The following BTBD7 variants were observed in gnomAD, a reference collection of about 807,000 sequenced individuals.
BTBD7 encodes BTB/POZ domain-containing protein 7.
A neutral mutation model predicts 99.9 loss-of-function variants in BTBD7; 38 were observed. The observed-to-expected ratio is 0.38, with a 90% CI of 0.29 to 0.50. The LOEUF is 0.50. Among genes scored for constraint, BTBD7 ranks in the 20% least tolerant of loss-of-function variants. The probability of loss-of-function intolerance (pLI) is 0.93; values close to 1 mark genes in which losing one functional copy is unlikely to be tolerated. For missense variants in BTBD7, 1,170 were observed against 1,394.6 expected (o/e 0.84, Z 2.57); for synonymous variants, 520 against 511.4 (o/e 1.02, Z -0.23).
At chr14:93,284,113 C>T (rs2052751938) in intron 3 of BTBD7, among the ~76,000 whole-genome samples, 1 of 152,090 alleles carries the variant, frequency 6.6e-6, no homozygotes. Flanking sequence ...GTTCTTTGAT[C>T]TAAATTATAA....
intron 3 of BTBD7, among the ~76,000 whole-genome samples, chr14:93,282,627 G>A (rs951248775): frequency 1.6e-4 from 24 of 152,058 alleles, no homozygotes; most frequent in African/African-American, 4.8e-5. Context: ...CACCGCACCC[G>A]GCCTATGCTT....
intron 1 of BTBD7, among the ~76,000 whole-genome samples, chr14:93,324,789 T>C (rs1291795834): frequency 6.6e-6 from 1 of 152,232 alleles, no homozygotes; most frequent in Non-Finnish European, 1.5e-5. Context: ...TGGTTTGAAC[T>C]AATGGAACTC....
Position 93,242,807 on chromosome 14 carries a change from A to G in BTBD7, c.2865T>C (p.Pro955=), listed in dbSNP as rs769155556. The G allele has an allele frequency of 1.2e-6, 2 of 1,614,212 alleles. No individual in the cohort carries two copies. Among genetic ancestry groups the G allele is most frequent in the Non-Finnish European group, 1.7e-6 (2 of 1,180,034 alleles). The change falls in exon 11 of 11, where the codon CCT becomes CCC. Residue 955 remains proline (P), a synonymous_variant. Transcript: ENST00000334746. ...TGCGTCTGCTGAGAGCAGGAGTAGAAGGTCTGCAAGCAGCATTTGAGAAGT... is the reference window on the plus strand; with the variant it reads ...TGCGTCTGCTGAGAGCAGGAGTAGAGGGTCTGCAAGCAGCATTTGAGAAGT... ...FYDFSNAACR[P]STPALSRRTP... is the part of the protein sequence containing the mutation.
At chr14:93,279,895 T>TA (rs1375191160) in intron 3 of BTBD7, among the ~76,000 whole-genome samples, 3 of 152,240 alleles carry the variant, frequency 2.0e-5, no homozygotes, top group African/African-American at 7.2e-5. Flanking sequence ...TGATAGGCTA[T>TA]ATCTTTTTTA....
chr14:93,259,084 T>C (rs2052461407), intron 5 of BTBD7, among the ~76,000 whole-genome samples: 1 of 152,226 alleles, frequency 6.6e-6, no homozygotes. Context: ...TGAATCAGCA[T>C]ATACTGAACT....
chr14:93,264,627 T>C (rs2139707976), intron 3 of BTBD7, among the ~76,000 whole-genome samples: 1 of 152,194 alleles, frequency 6.6e-6, no homozygotes, highest in South Asian at 2.1e-4. Flanking sequence ...GACTCAACTC[T>C]CCTCCTTAGG....
intron 1 of BTBD7, among the ~76,000 whole-genome samples, chr14:93,313,884 C>G (rs1438211801): frequency 6.6e-6 from 1 of 152,020 alleles, no homozygotes; most frequent in Non-Finnish European, 1.5e-5. Flanking sequence ...TAGGTGTGTG[C>G]CAGCGTGCCC....
At chr14:93,261,479 A>G (rs2052488512) in intron 5 of BTBD7, 123 bp downstream of exon 5, 1 of 785,826 alleles carries the variant, frequency 1.3e-6, no homozygotes, top group Admixed American at 2.2e-5. Flanking sequence ...CTGGTGGTAA[A>G]AACTTCCATT....
rs760882700 is a variant in BTBD7 at position 93,242,828 on chromosome 14, G to A, written c.2844C>T (p.Phe948=). The change falls in exon 11 of 11, where the codon TTC becomes TTT. Residue 948 remains phenylalanine (F), a synonymous_variant. Transcript: ENST00000334746. ...TAGAAGGTCTGCAAGCAGCATTTGA[G>A]AAGTCATAGAAATCCGGATATTCCT... ...NPQEYPDFYD[F]SNAACRPSTP... 6.2e-7 allele frequency: 1 copy of A among 1,614,068 alleles called. No individual in the cohort carries two copies. Among genetic ancestry groups the A allele is most frequent in the African/African-American group, 1.3e-5 (1 of 74,912 alleles).
Position 93,251,644 on chromosome 14 carries a change from T to C in BTBD7, c.1761A>G (p.Leu587=). Residue 587 remains leucine, a synonymous_variant, in exon 8 of 11, where the codon CTA becomes CTG. Coordinates refer to ENST00000334746, the MANE Select transcript of BTBD7 (RefSeq NM_001002860.4). ...CCGTTTGTTCCACCATCATCTCATC[T>C]AGCACTGACTGAAATAATCATTCAG... ...SPYVEEAKSV[L]DEMMVEQTDL... is the part of the protein sequence containing the mutation. 6.3e-7 allele frequency: 1 copy of C among 1,591,878 alleles called. No individual in the cohort carries two copies. The highest frequency in any genetic ancestry group is 8.6e-7 in the Non-Finnish European group (1 of 1,164,370).
intron 8 of BTBD7, 89 bp downstream of exon 8, chr14:93,251,374 T>C (rs2052365520): frequency 7.6e-7 from 1 of 1,309,650 alleles, no homozygotes; most frequent in African/African-American, 1.5e-5. Flanking sequence ...TGGAGAGAAT[T>C]AGCATATACA....
At chr14:93,268,539 T>C (rs1328770866) in intron 3 of BTBD7, among the ~76,000 whole-genome samples, 1 of 152,184 alleles carries the variant, frequency 6.6e-6, no homozygotes, top group East Asian at 1.9e-4. Context: ...CTGCTTACTT[T>C]AGAATATTTA....
intron 6 of BTBD7, among the ~76,000 whole-genome samples, 172 bp from the exon 7 acceptor site, chr14:93,253,962 CAG>C (rs987213661): frequency 4.7e-5 from 7 of 147,872 alleles, no homozygotes; most frequent in African/African-American, 1.8e-4. Flanking sequence ...TTTTTTGAGA[CAG>C]AGTCTCACTG....
chr14:93,332,666 C>T (rs1210646561), intron 1 of BTBD7, among the ~76,000 whole-genome samples, 154 bp downstream of exon 1: 4 of 151,144 alleles, frequency 2.6e-5, no homozygotes, highest in Non-Finnish European at 5.9e-5. Flanking sequence ...CGACTGGCCC[C>T]TCCCCGCCCG....
intron 3 of BTBD7, among the ~76,000 whole-genome samples, chr14:93,264,996 G>A (rs1158442287): frequency 6.6e-6 from 1 of 152,190 alleles, no homozygotes; most frequent in East Asian, 1.9e-4. Context: ...GGCTAAGGCA[G>A]GAGAATCACT....
At chr14:93,304,206 G>A (rs111432593) in intron 1 of BTBD7, among the ~76,000 whole-genome samples, 2 of 152,092 alleles carry the variant, frequency 1.3e-5, no homozygotes, top group Non-Finnish European at 2.9e-5. Context: ...CACTGAGCCC[G>A]GCACACAATA....
chr14:93,332,704 GGCCCCA>G lies in BTBD7; in HGVS notation c.-107+110_-107+115del. 2.3e-6 allele frequency: 3 copies of G among 1,301,074 alleles called. 1 individual carries two copies. The South Asian group carries it at 6.2e-5, about 27-fold the overall frequency. 80.6% of individuals were successfully genotyped at this position (1,301,074 alleles called of 1,614,324 possible). A position where few individuals can be genotyped will look rare whatever the true frequency, so the allele number is the denominator to read the frequency against. ...GCCCCAGCGCCTCCCGCGGCGGCTT[GGCCCCA>G]GCCCCGGCGCCCCCACGCCTAAGAA... On this transcript the variant is annotated intron_variant, in intron 1 of 10. Coordinates refer to ENST00000334746, the MANE Select transcript of BTBD7 (RefSeq NM_001002860.4).
intron 3 of BTBD7, among the ~76,000 whole-genome samples, chr14:93,266,960 C>G (rs1015527271): frequency 2.0e-5 from 3 of 152,124 alleles, no homozygotes; most frequent in African/African-American, 7.2e-5. Flanking sequence ...CCTTGAATAC[C>G]AAGCTGAGGA....
intron 1 of BTBD7, among the ~76,000 whole-genome samples, chr14:93,299,501 G>C (rs899830819): frequency 6.6e-6 from 1 of 152,122 alleles, no homozygotes; most frequent in Non-Finnish European, 1.5e-5. Context: ...AAGGTCTACA[G>C]GACTTGGAGA....
Sources: allele counts gnomAD v4.1 joint callset (sites outside exome capture counted in the v4.1 genomes callset), GRCh38; gene constraint gnomAD v4.1.1; transcripts MANE v1.5; gene names NCBI Gene and HGNC (gene_info 2026-07-23, HGNC 2026-07-21).